ODR4: variants seen among roughly 807,000 people sequenced by gnomAD.
ODR4 encodes the protein protein odr-4 homolog.
Under a neutral mutation model 60.2 loss-of-function variants are expected in ODR4, and 47 were observed. The observed-to-expected ratio is 0.78, with a 90% CI of 0.62 to 1.00. The LOEUF (loss-of-function observed/expected upper bound fraction) is 1.00, where lower values mean the gene tolerates loss of function less well. Ranked by LOEUF, ODR4 falls within the 50% of genes least tolerant of loss-of-function variation. The pLI, the probability that ODR4 is intolerant of heterozygous loss-of-function variation, is 0.00. For missense variants in ODR4, 488 were observed against 530.8 expected, an observed-to-expected ratio of 0.92 and a Z score of 0.79; for synonymous variants, 178 against 175.5, an observed-to-expected ratio of 1.01 and a Z score of -0.11.
At chr1:186,378,450 T>C (rs1242062929) in intron 1 of ODR4, among the ~76,000 whole-genome samples, 2 of 152,242 alleles carry the variant, frequency 1.3e-5, no homozygotes, top group Non-Finnish European at 2.9e-5. Flanking sequence ...TTCATTATAT[T>C]GCCTAGCTCT....
intron 11 of ODR4, among the ~76,000 whole-genome samples, chr1:186,401,943 G>A (rs1223566870): frequency 6.6e-6 from 1 of 151,996 alleles, no homozygotes; most frequent in Non-Finnish European, 1.5e-5. Flanking sequence ...TTTTTTAAAG[G>A]TTCAGTAGAA....
At chr1:186,408,011 C>G (rs868301802) in intron 12 of ODR4, among the ~76,000 whole-genome samples, 1 of 152,036 alleles carries the variant, frequency 6.6e-6, no homozygotes, top group Non-Finnish European at 1.5e-5. Flanking sequence ...GTTACCCTGA[C>G]GAAGCTAATG....
intron 3 of ODR4, among the ~76,000 whole-genome samples, chr1:186,383,843 G>C (rs1432074644): frequency 6.6e-6 from 1 of 151,956 alleles, no homozygotes. Flanking sequence ...TTCAAGACCA[G>C]CCTGGCCAAC....
At chr1:186,392,150 C>T (rs1660494524) in intron 8 of ODR4, among the ~76,000 whole-genome samples, 1 of 152,140 alleles carries the variant, frequency 6.6e-6, no homozygotes, top group Non-Finnish European at 1.5e-5. Context: ...GCTGGCAAGG[C>T]TGCAGAGAAA....
At chr1:186,421,795 C>T (rs1359106524), downstream of ODR4, among the ~76,000 whole-genome samples, 6 of 140,788 alleles carry the variant, frequency 4.3e-5, no homozygotes, top group Non-Finnish European at 9.0e-5. Flanking sequence ...ACCAGGGAGG[C>T]GAAGGTTGCA....
intron 11 of ODR4, among the ~76,000 whole-genome samples, chr1:186,403,594 C>T (rs1446173691): frequency 2.0e-5 from 3 of 151,646 alleles, no homozygotes; most frequent in Non-Finnish European, 4.4e-5. Context: ...CTTTATATAT[C>T]TGATCTCTAA....
At chr1:186,434,965 G>A in the ODR4 span, among the ~76,000 whole-genome samples, 1 of 152,110 alleles carries the variant, frequency 6.6e-6, no homozygotes, top group Non-Finnish European at 1.5e-5. Flanking sequence ...ATTATTGGAA[G>A]CAGGGAGTGA....
At chr1:186,426,397 C>A in the ODR4 span, among the ~76,000 whole-genome samples, 5 of 152,188 alleles carry the variant, frequency 3.3e-5, no homozygotes, top group Non-Finnish European at 5.9e-5. Context: ...GCTGTGATAT[C>A]CAAGACAGTT....
chr1:186,396,368 G>A (rs1660672805), intron 9 of ODR4, among the ~76,000 whole-genome samples: 1 of 152,134 alleles, frequency 6.6e-6, no homozygotes, highest in Non-Finnish European at 1.5e-5. Flanking sequence ...CAGCACTTTG[G>A]GAGGCCTAGG....
intron 11 of ODR4, chr1:186,400,712 T>A (rs988559288): frequency 1.8e-5 from 4 of 228,390 alleles, no homozygotes; most frequent in Non-Finnish European, 2.5e-5. Context: ...ATCTTTTTTT[T>A]ATATTCCTAG....
intron 8 of ODR4, 73 bp from the exon 9 acceptor site, chr1:186,393,874 C>A: frequency 1.3e-6 from 1 of 788,662 alleles, no homozygotes; most frequent in Admixed American, 2.5e-5. Context: ...AGTATATGTA[C>A]AATAGTTTAT....
At chr1:186,418,881 T>C in intron 13 of ODR4, 128 bp from the exon 14 acceptor site, 2 of 720,114 alleles carry the variant, frequency 2.8e-6, no homozygotes, top group East Asian at 2.7e-5. Context: ...TGTATGTCTA[T>C]GTATGATTGT....
intron 9 of ODR4, 58 bp downstream of exon 9, chr1:186,394,073 T>G: frequency 1.0e-6 from 1 of 1,000,542 alleles, no homozygotes; most frequent in Non-Finnish European, 1.5e-6. Flanking sequence ...ATGAAACTGT[T>G]TCTGTTTTTA....
At chr1:186,413,530 A>G (rs1168113721) in intron 12 of ODR4, among the ~76,000 whole-genome samples, 2 of 152,184 alleles carry the variant, frequency 1.3e-5, no homozygotes, top group Non-Finnish European at 2.9e-5. Context: ...TGTGTTAGTC[A>G]TCTCCTAGTA....
At chr1:186,385,943 C>A in intron 3 of ODR4, 45 bp from the exon 4 acceptor site, 3 of 1,211,474 alleles carry the variant, frequency 2.5e-6, no homozygotes, top group Non-Finnish European at 3.6e-6. Context: ...GAAAGGATTG[C>A]ATATAATGCC....
intron 7 of ODR4, among the ~76,000 whole-genome samples, chr1:186,391,098 C>A (rs1368033476): frequency 2.0e-5 from 3 of 152,042 alleles, no homozygotes; most frequent in African/African-American, 7.2e-5. Flanking sequence ...ACTAAATATA[C>A]TAGTACTTAT....
At chr1:186,434,188 C>CT in the ODR4 span, among the ~76,000 whole-genome samples, 29 of 151,958 alleles carry the variant, frequency 1.9e-4, no homozygotes, top group African/African-American at 6.8e-4. Flanking sequence ...TCTAATAATG[C>CT]TTTTTCTCTT....
intron 5 of ODR4, among the ~76,000 whole-genome samples, chr1:186,389,046 G>A (rs936893603): frequency 2.0e-5 from 3 of 152,000 alleles, no homozygotes; most frequent in African/African-American, 7.3e-5. Context: ...CAGGGCAAGA[G>A]TACCTCCCAA....
downstream of ODR4, among the ~76,000 whole-genome samples, chr1:186,421,830 C>T (rs112981301): frequency 5.0e-3 from 711 of 143,314 alleles, 12 homozygotes; most frequent in African/African-American, 0.018. Flanking sequence ...CCACTGCACT[C>T]CAGCCTGGGT....
Sources: gnomAD v4.1 joint callset for allele counts (sites outside exome capture counted in the v4.1 genomes callset) on GRCh38, gnomAD v4.1.1 for gene constraint, MANE v1.5 for transcripts, NCBI Gene and HGNC (gene_info 2026-07-23, HGNC 2026-07-21) for gene names.